TGFB1: variants seen among roughly 807,000 people sequenced by gnomAD.
TGFB1 encodes the protein transforming growth factor beta-1 proprotein.
A neutral mutation model predicts 43.8 loss-of-function variants in TGFB1; 19 were observed. That is an observed-to-expected ratio of 0.43 (90% confidence interval 0.30 to 0.64). The LOEUF (loss-of-function observed/expected upper bound fraction) is 0.64, where lower values mean the gene tolerates loss of function less well. Among genes scored for constraint, TGFB1 ranks in the 30% least tolerant of loss-of-function variants. TGFB1 has a pLI of 0.11. For synonymous variants in TGFB1, 221 were observed against 236.3 expected, an observed-to-expected ratio of 0.94 and a Z score of 0.60; for missense variants, 445 against 529.8, an observed-to-expected ratio of 0.84 and a Z score of 1.57.
At chr19:41,350,449 C>A (rs749041636) in intron 1 of TGFB1, among the ~76,000 whole-genome samples, 114 of 151,806 alleles carry the variant, frequency 7.5e-4, no homozygotes, top group Admixed American at 2.2e-3. Flanking sequence ...GGATTACAGG[C>A]GCCGCCCGCC....
intron 5 of TGFB1, among the ~76,000 whole-genome samples, chr19:41,338,128 G>T (rs2038009023): frequency 2.0e-5 from 3 of 151,770 alleles, no homozygotes; most frequent in Non-Finnish European, 4.4e-5. Flanking sequence ...GGAGGCGGAG[G>T]TTGCAGTGAG....
chr19:41,335,860 CTGTT>C (rs1193819253), intron 5 of TGFB1, among the ~76,000 whole-genome samples: 11 of 141,858 alleles, frequency 7.8e-5, no homozygotes, highest in South Asian at 4.7e-4. Context: ...CCAACAGAGA[CTGTT>C]TGTTGAGTCA....
At chr19:41,345,560 G>T (rs952053052) in intron 2 of TGFB1, among the ~76,000 whole-genome samples, 1 of 151,984 alleles carries the variant, frequency 6.6e-6, no homozygotes, top group Non-Finnish European at 1.5e-5. Flanking sequence ...CTGAGCATAC[G>T]GTTCTGCAAA....
intron 1 of TGFB1, chr19:41,350,850 C>T (rs1335235907): frequency 2.0e-5 from 3 of 152,322 alleles, no homozygotes; most frequent in Admixed American, 2.0e-4. Flanking sequence ...CTCAGCAAAC[C>T]CCAAAGGAAA....
chr19:41,338,964 G>A (rs2038021648), intron 5 of TGFB1, among the ~76,000 whole-genome samples: 1 of 143,968 alleles, frequency 6.9e-6, no homozygotes, highest in Non-Finnish European at 1.5e-5. Flanking sequence ...GTTGCATGGG[G>A]GGTACGTGTG....
intron 5 of TGFB1, among the ~76,000 whole-genome samples, chr19:41,339,789 A>C (rs1448186232): frequency 6.6e-6 from 1 of 152,088 alleles, no homozygotes; most frequent in Non-Finnish European, 1.5e-5. Flanking sequence ...ACGCCACTGC[A>C]CTCCAGCCTG....
chr19:41,345,351 G>C (rs1599891230), intron 2 of TGFB1, among the ~76,000 whole-genome samples: 1 of 151,588 alleles, frequency 6.6e-6, no homozygotes, highest in Non-Finnish European at 1.5e-5. Flanking sequence ...ACAAAAATTA[G>C]CCAGGCATGG....
chr19:41,337,086 T>C (rs1481676168), intron 5 of TGFB1, among the ~76,000 whole-genome samples: 2 of 151,984 alleles, frequency 1.3e-5, no homozygotes, highest in Non-Finnish European at 2.9e-5. Flanking sequence ...GTCTCCCAAG[T>C]AGCTAAGACT....
chr19:41,330,863 C>T lies in TGFB1; in HGVS notation c.*189G>A. 1 of 530,772 alleles carries T rather than the reference C, an allele frequency of 1.9e-6. No homozygotes were observed. The highest frequency in any genetic ancestry group is 3.3e-6 in the Non-Finnish European group (1 of 302,152). 32.9% of individuals were successfully genotyped at this position (530,772 alleles called of 1,614,324 possible). ...GAGAGAGGGAGTGGGAGTGGGGGAA[C>T]GTCAGGGATGGAGACCCCAGGCAGG... On this transcript the variant is annotated 3_prime_UTR_variant, in exon 7 of 7. Transcript: ENST00000221930.
In TGFB1 at chr19:41,348,001, G is replaced by A. The variant is rs529775006; in HGVS notation, c.516+294C>T. On this transcript the variant is annotated intron_variant, in intron 2 of 6. Coordinates refer to ENST00000221930, the MANE Select transcript of TGFB1 (RefSeq NM_000660.7). The stretch of plus-strand genomic sequence containing the variant: ...ACAAAAATTAGCTGGGCGTGGTGGC[G>A]CACACCTGTAATCCCAGCTACTTGG... 2.3e-3 allele frequency among the ~76,000 whole-genome samples: 310 copies of A among 137,430 alleles called. 3 individuals carry two copies. Among genetic ancestry groups the A allele is most frequent in the African/African-American group, 7.8e-3 (283 of 36,264 alleles). The allele number at this position is 137,430 out of a possible 152,430, so 90.2% of individuals were successfully genotyped here. A position where few individuals can be genotyped will look rare whatever the true frequency, so the allele number is the denominator to read the frequency against.
rs2037920187 is a variant in TGFB1, at chr19:41,330,826, G to C, written c.*226C>G. The C allele has an allele frequency of 1.9e-6, 1 of 514,200 alleles. No homozygotes were observed. The highest frequency in any genetic ancestry group is 3.8e-5 in the Admixed American group (1 of 26,532). The allele number at this position is 514,200 out of a possible 1,614,324, so 31.9% of individuals were successfully genotyped here. On this transcript the variant is annotated 3_prime_UTR_variant, in exon 7 of 7. Transcript: ENST00000221930. ...GGAATAGTGCAGACAGGCAGGAGGA[G>C]GCAGAGAGGGAGAGAGAGGGAGTGG...
intron 1 of TGFB1, among the ~76,000 whole-genome samples, chr19:41,352,028 G>A (rs917461439): frequency 6.6e-6 from 1 of 151,592 alleles, no homozygotes; most frequent in African/African-American, 2.4e-5. Flanking sequence ...CTCCTCTCCC[G>A]CTTGCCTCCT....
chr19:41,339,695 ACG>A (rs1421082695), intron 5 of TGFB1, among the ~76,000 whole-genome samples: 2 of 152,046 alleles, frequency 1.3e-5, no homozygotes, highest in Non-Finnish European at 2.9e-5. Context: ...GTGGTGGCAC[ACG>A]CCTGTAATCC....
intron 1 of TGFB1, among the ~76,000 whole-genome samples, chr19:41,351,369 A>T (rs2038191298): frequency 1.3e-5 from 2 of 152,212 alleles, no homozygotes; most frequent in Non-Finnish European, 2.9e-5. Flanking sequence ...CCTCGCATGG[A>T]TGCCGACGGG....
At chr19:41,344,023 T>C (rs2038088255) in intron 3 of TGFB1, among the ~76,000 whole-genome samples, 2 of 123,152 alleles carry the variant, frequency 1.6e-5, no homozygotes, top group South Asian at 2.6e-4. Flanking sequence ...CACTCTTTCA[T>C]GTAGGCTGGA....
chr19:41,334,371 G>A (rs780875140), intron 5 of TGFB1, among the ~76,000 whole-genome samples: 9 of 149,972 alleles, frequency 6.0e-5, no homozygotes, highest in Non-Finnish European at 1.2e-4. Flanking sequence ...GTGAGACTCT[G>A]TCTTGAAAAG....
At chr19:41,351,363 G>C (rs2038191176) in intron 1 of TGFB1, among the ~76,000 whole-genome samples, 2 of 152,216 alleles carry the variant, frequency 1.3e-5, no homozygotes, top group Admixed American at 6.5e-5. Context: ...CTGGGTCCTC[G>C]CATGGATGCC....
At chr19:41,348,144 A>AT in intron 2 of TGFB1, 151 bp downstream of exon 2, 1 of 896,716 alleles carries the variant, frequency 1.1e-6, no homozygotes, top group Non-Finnish European at 1.7e-6. Flanking sequence ...AAAAAAAAAA[A>AT]AGCGTTCTAG....
chr19:41,338,607 G>C (rs1387233342), intron 5 of TGFB1, among the ~76,000 whole-genome samples: 3 of 151,978 alleles, frequency 2.0e-5, no homozygotes, highest in Non-Finnish European at 2.9e-5. Context: ...GGGAGGCTGA[G>C]GTGGGCGGAT....
Sources: gnomAD v4.1 joint callset for allele counts (sites outside exome capture counted in the v4.1 genomes callset) on GRCh38, gnomAD v4.1.1 for gene constraint, MANE v1.5 for transcripts, NCBI Gene and HGNC (gene_info 2026-07-23, HGNC 2026-07-21) for gene names.